Variants in NBEAL1 observed in about 807,000 individuals in gnomAD.
NBEAL1 encodes neurobeachin-like protein 1.
A neutral mutation model predicts 351.3 loss-of-function variants in NBEAL1; 273 were observed. The ratio of observed to expected loss-of-function variants is 0.78; its 90% CI spans 0.70 to 0.86. The LOEUF is 0.86. Ranked by LOEUF, NBEAL1 falls within the 40% of genes least tolerant of loss-of-function variation. NBEAL1 has a pLI of 0.00. For missense variants in NBEAL1, 2,961 were observed against 3,201.3 expected, an observed-to-expected ratio of 0.92 and a Z score of 1.81; for synonymous variants, 1,050 against 1,086.4, an observed-to-expected ratio of 0.97 and a Z score of 0.66.
intron 18 of NBEAL1, among the ~76,000 whole-genome samples, chr2:203,117,860 T>G (rs187096117): frequency 1.2e-3 from 178 of 151,772 alleles, no homozygotes; most frequent in African/African-American, 4.2e-3. Flanking sequence ...TTTTTTTTTT[T>G]GTATTTTTTA....
chr2:203,090,150 G>A (rs2062037034), intron 10 of NBEAL1, among the ~76,000 whole-genome samples: 1 of 152,058 alleles, frequency 6.6e-6, no homozygotes, highest in Admixed American at 6.5e-5. Flanking sequence ...ATGTTTGGCT[G>A]TAATTATTCA....
intron 36 of NBEAL1, among the ~76,000 whole-genome samples, chr2:203,163,879 G>T (rs1277972746): frequency 6.6e-6 from 1 of 152,000 alleles, no homozygotes; most frequent in Non-Finnish European, 1.5e-5. Flanking sequence ...ATGTATAGTT[G>T]TTGGGTTCTT....
chr2:203,096,106 T>A (rs1450424150), intron 10 of NBEAL1, among the ~76,000 whole-genome samples: 1 of 152,240 alleles, frequency 6.6e-6, no homozygotes, highest in Non-Finnish European at 1.5e-5. Flanking sequence ...ACTATGCTAA[T>A]AAGCTAGCGT....
At chr2:203,190,565 T>C in intron 46 of NBEAL1, 176 bp downstream of exon 46, 1 of 683,674 alleles carries the variant, frequency 1.5e-6, no homozygotes, top group Non-Finnish European at 2.4e-6. Flanking sequence ...GAGTACCTAT[T>C]AGGGTATGCC....
Position 203,221,363 on chromosome 2 carries a change from T to C in NBEAL1, c.*4009T>C, listed in dbSNP as rs989065596. ...ATGCAAGTCCTAGGACTATATTAAA[T>C]ATAAATATTATATTATTAAATAATA... On this transcript the variant is annotated 3_prime_UTR_variant, in exon 56 of 56. Coordinates refer to ENST00000683969, the MANE Select transcript of NBEAL1 (RefSeq NM_001378026.1). Among the ~76,000 whole-genome samples the C allele has an allele frequency of 6.6e-6, 1 of 150,890 alleles. No individual in the cohort carries two copies. Among genetic ancestry groups the C allele is most frequent in the Admixed American group, 6.6e-5 (1 of 15,140 alleles).
chr2:203,174,782 T>A (rs1047887454), intron 41 of NBEAL1, among the ~76,000 whole-genome samples: 1 of 151,724 alleles, frequency 6.6e-6, no homozygotes, highest in Non-Finnish European at 1.5e-5. Flanking sequence ...TCCCAGCTAC[T>A]TGGGAGGCTG....
chr2:203,033,040 G>A lies in NBEAL1; in HGVS notation c.52-8725G>A, dbSNP rs185018560. On this transcript the variant is annotated intron_variant, in intron 2 of 55. Transcript: ENST00000683969. ...TTTTGAGACGGAGTCTCGCTCTGTCGCCCAGGCTGGAGTGCAGTGGCGCGA... is the reference window on the plus strand; with the variant it reads ...TTTTGAGACGGAGTCTCGCTCTGTCACCCAGGCTGGAGTGCAGTGGCGCGA... 9.5e-3 allele frequency among the ~76,000 whole-genome samples: 1,435 copies of A among 150,972 alleles called. 19 individuals are homozygous for A. The highest frequency in any genetic ancestry group is 0.034 in the African/African-American group (1,380 of 41,094).
At chr2:203,139,071 A>G (rs1439964079) in intron 31 of NBEAL1, among the ~76,000 whole-genome samples, 1 of 152,104 alleles carries the variant, frequency 6.6e-6, no homozygotes, top group East Asian at 1.9e-4. Flanking sequence ...ATATATGTGC[A>G]GTTTAGGGCT....
intron 42 of NBEAL1, among the ~76,000 whole-genome samples, chr2:203,178,187 CAG>C (rs1489699955): frequency 1.5e-5 from 2 of 137,556 alleles, no homozygotes; most frequent in Admixed American, 7.8e-5. Flanking sequence ...TTTTCTGAGA[CAG>C]AGTCTCACTC....
chr2:203,214,883 AT>A (rs2065872108), intron 55 of NBEAL1, among the ~76,000 whole-genome samples: 1 of 152,210 alleles, frequency 6.6e-6, no homozygotes, highest in Non-Finnish European at 1.5e-5. Flanking sequence ...GTATTTTTTA[AT>A]CATGTACCAG....
At chr2:203,149,908 T>C (rs1184741752) in intron 34 of NBEAL1, among the ~76,000 whole-genome samples, 1 of 152,198 alleles carries the variant, frequency 6.6e-6, no homozygotes, top group Non-Finnish European at 1.5e-5. Context: ...TTCCTTTTTA[T>C]GGCTGAATAG....
At chr2:203,115,579 C>G (rs542487719) in intron 17 of NBEAL1, among the ~76,000 whole-genome samples, 34 of 151,962 alleles carry the variant, frequency 2.2e-4, no homozygotes, top group Middle Eastern at 3.4e-3. Flanking sequence ...CAGGCACATG[C>G]CACCACCTCT....
chr2:203,123,570 T>C (rs1235771791), intron 19 of NBEAL1, among the ~76,000 whole-genome samples: 1 of 152,038 alleles, frequency 6.6e-6, no homozygotes, highest in Non-Finnish European at 1.5e-5. Flanking sequence ...CTGACCTCAG[T>C]TGATCCGCCC....
chr2:203,120,524 A>G (rs1400141310), intron 18 of NBEAL1, among the ~76,000 whole-genome samples: 1 of 152,314 alleles, frequency 6.6e-6, no homozygotes, highest in Non-Finnish European at 1.5e-5. Flanking sequence ...GCAGGGATGC[A>G]TGGTAAATAT....
Position 203,222,074 on chromosome 2 carries a change from G to C in NBEAL1, c.*4720G>C, listed in dbSNP as rs578261658. Among the ~76,000 whole-genome samples the C allele has an allele frequency of 4.6e-5, 7 of 152,320 alleles. No homozygotes were observed. The highest frequency in any genetic ancestry group is 1.7e-4 in the African/African-American group (7 of 41,572). ...GTGCTGGCAAGCGCCTGTAGTCCTA[G>C]CTGCTCGGGAGGCTGAGGCAAGGGG... On this transcript the variant is annotated 3_prime_UTR_variant, in exon 56 of 56. Coordinates refer to ENST00000683969, the MANE Select transcript of NBEAL1 (RefSeq NM_001378026.1).
chr2:203,108,698 C>G (rs1442119827), intron 14 of NBEAL1, among the ~76,000 whole-genome samples: 1 of 152,088 alleles, frequency 6.6e-6, no homozygotes, highest in African/African-American at 2.4e-5. Flanking sequence ...CCACCGCACC[C>G]AGCCACAAGT....
intron 12 of NBEAL1, among the ~76,000 whole-genome samples, 184 bp downstream of exon 12, chr2:203,099,896 T>C (rs1289925664): frequency 1.3e-5 from 2 of 152,186 alleles, no homozygotes; most frequent in African/African-American, 2.4e-5. Context: ...CCGCTCCTCC[T>C]TCCTTTCATC....
In NBEAL1 at chr2:203,209,193, A is replaced by G. The variant is rs747990422; in HGVS notation, c.7656A>G (p.Lys2552=). The change falls in exon 53 of 56, where the codon AAA becomes AAG. Residue 2552 remains lysine, a synonymous_variant. Coordinates refer to ENST00000683969, the MANE Select transcript of NBEAL1 (RefSeq NM_001378026.1). ...DGTVIIHTIQ[K]GQYMRTLRPP... is the part of the protein sequence containing the mutation. ...CGGTGATTATACATACCATTCAGAAAGGTCAGTACATGAGGACTTTACGAC... is the reference window on the plus strand; with the variant it reads ...CGGTGATTATACATACCATTCAGAAGGGTCAGTACATGAGGACTTTACGAC... 105 of 1,613,444 alleles carry G rather than the reference A, an allele frequency of 6.5e-5. No homozygotes were observed. Among genetic ancestry groups the G allele is most frequent in the Non-Finnish European group, 8.6e-5 (101 of 1,179,528 alleles).
At chr2:203,045,187 A>G (rs932237815) in intron 3 of NBEAL1, among the ~76,000 whole-genome samples, 2 of 152,166 alleles carry the variant, frequency 1.3e-5, no homozygotes, top group Non-Finnish European at 2.9e-5. Flanking sequence ...TATTTATTAA[A>G]ACCAATGTGC....
Sources: allele counts gnomAD v4.1 joint callset (sites outside exome capture counted in the v4.1 genomes callset), GRCh38; gene constraint gnomAD v4.1.1; transcripts MANE v1.5; gene names NCBI Gene and HGNC (gene_info 2026-07-23, HGNC 2026-07-21).